GTPBP4: variants seen among roughly 807,000 people sequenced by gnomAD.
The protein encoded by GTPBP4 is GTP-binding protein 4.
A neutral mutation model predicts 81.7 loss-of-function variants in GTPBP4; 15 were observed. The ratio of observed to expected loss-of-function variants is 0.18; its 90% confidence interval spans 0.12 to 0.28. The LOEUF is 0.28. Ranked by LOEUF, GTPBP4 falls within the 10% of genes least tolerant of loss-of-function variation. GTPBP4 has a pLI of 1.00. For synonymous variants in GTPBP4, 272 were observed against 274.6 expected, an observed-to-expected ratio of 0.99 and a Z score of 0.09; for missense variants, 847 against 793.8, an observed-to-expected ratio of 1.07 and a Z score of -0.81.
intron 9 of GTPBP4, among the ~76,000 whole-genome samples, chr10:1,006,186 G>A (rs955626847): frequency 2.0e-5 from 3 of 152,114 alleles, no homozygotes; most frequent in Non-Finnish European, 4.4e-5. Context: ...TTAATATTTC[G>A]GTAGCAAGTA....
intron 14 of GTPBP4, among the ~76,000 whole-genome samples, chr10:1,014,016 G>A (rs1202474917): frequency 6.6e-6 from 1 of 152,178 alleles, no homozygotes; most frequent in African/African-American, 2.4e-5. Flanking sequence ...ATGGACAGAC[G>A]TGGAGGATAC....
chr10:1,006,172 C>G (rs1249684337), intron 9 of GTPBP4, among the ~76,000 whole-genome samples: 1 of 152,150 alleles, frequency 6.6e-6, no homozygotes, highest in Non-Finnish European at 1.5e-5. Context: ...TTGTCTCTGG[C>G]CTTTTAATAT....
At chr10:996,972 C>A in intron 4 of GTPBP4, 1 of 498,248 alleles carries the variant, frequency 2.0e-6, no homozygotes, top group Non-Finnish European at 3.5e-6. Context: ...AAAACGTGGG[C>A]TTAGAAGGGC....
chr10:995,814 A>C, intron 2 of GTPBP4, 115 bp from the exon 3 acceptor site: 2 of 633,914 alleles, frequency 3.2e-6, no homozygotes, highest in Non-Finnish European at 5.7e-6. Flanking sequence ...AGGAGAGGGA[A>C]CTGGGGAGGA....
At chr10:997,576 T>C (rs549925839) in intron 5 of GTPBP4, among the ~76,000 whole-genome samples, 9 of 152,392 alleles carry the variant, frequency 5.9e-5, no homozygotes, top group Admixed American at 5.9e-4. Flanking sequence ...TACATTTATA[T>C]TACTATTACA....
Position 1,015,393 on chromosome 10 carries a change from A to T in GTPBP4, c.1609-360A>T, listed in dbSNP as rs1362436859. On this transcript the variant is annotated intron_variant, in intron 15 of 16. Transcript: ENST00000360803. The stretch of plus-strand genomic sequence containing the variant: ...TGGGGTCCTGAGCTCTGAGCCTGGG[A>T]GTGGACCTGGGGTCCTGAGCGCTGA... Among the ~76,000 whole-genome samples the T allele has an allele frequency of 1.8e-4, 22 of 122,486 alleles. 1 individual carries two copies. The highest frequency in any genetic ancestry group is 6.6e-4 in the African/African-American group (20 of 30,262). The allele number at this position is 122,486 out of a possible 152,430, so 80.4% of individuals were successfully genotyped here.
chr10:999,189 G>T, intron 6 of GTPBP4, 94 bp downstream of exon 6: 3 of 722,470 alleles, frequency 4.2e-6, no homozygotes, highest in Non-Finnish European at 7.5e-6. Context: ...CATGATCTCA[G>T]TCCACTGCAA....
intron 1 of GTPBP4, 40 bp downstream of exon 1, chr10:988,567 T>A (rs1330286207): frequency 6.6e-7 from 1 of 1,520,848 alleles, no homozygotes; most frequent in South Asian, 1.1e-5. Context: ...TTTCGCGTTC[T>A]CCTCAGCTGG....
Position 995,961 on chromosome 10 carries a change from T to C in GTPBP4, c.252T>C (p.Asn84=). The C allele has an allele frequency of 6.2e-7, 1 of 1,611,034 alleles. No homozygotes were observed. Among genetic ancestry groups the C allele is most frequent in the East Asian group, 2.2e-5 (1 of 44,878 alleles). The change falls in exon 3 of 17, where the codon AAT becomes AAC. Residue 84 remains asparagine (N), a synonymous_variant. Coordinates refer to ENST00000360803, the MANE Select transcript of GTPBP4 (RefSeq NM_012341.3). ...ATCCGTTCTATGCTGATTTGATGAA[T>C]ATTCTCTACGACAAGGATCATTACA... The part of the protein sequence containing the change: ...DIHPFYADLM[N]ILYDKDHYKL...
At position 1,017,096 on chromosome 10, in the gene GTPBP4, A is replaced by G. The variant is rs914633884; in HGVS notation, c.1774A>G (p.Met592Val). Residue 592 changes from methionine to valine, a missense_variant, in exon 17 of 17, where the codon ATG (methionine) becomes GTG (valine). Physicochemically the swap from Met to Val is conservative, Grantham distance 21. This residue lies in a region of GTPBP4 where 600 missense variants were observed against 557.1 expected (regional missense o/e 1.08). Coordinates refer to ENST00000360803, the MANE Select transcript of GTPBP4 (RefSeq NM_012341.3). ...TTAGATGGTGAAGAAAGCCAAGACT[A>G]TGATGAAGAATGCTCAGAAGAAGAT... Reference protein sequence around the residue: ...DVKMVKKAKTMMKNAQKKMNR... With the variant: ...DVKMVKKAKTVMKNAQKKMNR... 3.1e-6 allele frequency: 5 copies of G among 1,613,740 alleles called. No homozygotes were observed. The highest frequency in any genetic ancestry group is 4.2e-6 in the Non-Finnish European group (5 of 1,179,732).
chr10:1,013,603 C>A (rs1423101134), intron 14 of GTPBP4, among the ~76,000 whole-genome samples: 1 of 151,878 alleles, frequency 6.6e-6, no homozygotes, highest in African/African-American at 2.4e-5. Flanking sequence ...GAGCAAGACT[C>A]CATCTCAAAA....
At position 1,019,305 on chromosome 10, in the gene GTPBP4, C is replaced by A; in HGVS notation, c.*2078C>A. 3.8e-6 allele frequency: 2 copies of A among 525,052 alleles called. No homozygotes were observed. Among genetic ancestry groups the A allele is most frequent in the Non-Finnish European group, 6.7e-6 (2 of 297,646 alleles). The allele number at this position is 525,052 out of a possible 1,614,324, so 32.5% of individuals were successfully genotyped here. ...ACAAAGGAAATGTTAAATTTCCTCC[C>A]TGCAACCAGGCAGATGAGAAATATG... On this transcript the variant is annotated 3_prime_UTR_variant, in exon 17 of 17. Coordinates refer to ENST00000360803, the MANE Select transcript of GTPBP4 (RefSeq NM_012341.3).
At chr10:997,687 G>A (rs1248008214) in intron 5 of GTPBP4, among the ~76,000 whole-genome samples, 1 of 152,238 alleles carries the variant, frequency 6.6e-6, no homozygotes, top group Non-Finnish European at 1.5e-5. Flanking sequence ...TTTCTTGGGT[G>A]TTGTTGGCCT....
chr10:997,063 C>G, intron 4 of GTPBP4, 145 bp from the exon 5 acceptor site: 1 of 669,794 alleles, frequency 1.5e-6, no homozygotes. Flanking sequence ...CTTTCTGCAA[C>G]TATTTTCTCC....
At chr10:1,001,222 T>G (rs1451727310) in intron 8 of GTPBP4, among the ~76,000 whole-genome samples, 2 of 152,228 alleles carry the variant, frequency 1.3e-5, no homozygotes, top group African/African-American at 4.8e-5. Context: ...TTCTGGATTC[T>G]TTGTTCTTGA....
intron 15 of GTPBP4, 141 bp downstream of exon 15, chr10:1,014,453 G>A (rs1831939558): frequency 8.7e-6 from 5 of 577,156 alleles, no homozygotes; most frequent in South Asian, 3.5e-5. Flanking sequence ...TCAGGGGTTC[G>A]AGACCAGCCT....
intron 8 of GTPBP4, among the ~76,000 whole-genome samples, chr10:1,005,436 G>A (rs12773389): frequency 1.3e-5 from 2 of 152,112 alleles, no homozygotes; most frequent in Non-Finnish European, 2.9e-5. Flanking sequence ...GAGCCACCGC[G>A]CCTGGCCCCT....
intron 5 of GTPBP4, among the ~76,000 whole-genome samples, chr10:997,764 G>A (rs895951327): frequency 1.3e-5 from 2 of 152,212 alleles, no homozygotes; most frequent in Non-Finnish European, 1.5e-5. Flanking sequence ...GGGTCTTCCC[G>A]TCTGCAGCTG....
intron 1 of GTPBP4, among the ~76,000 whole-genome samples, chr10:991,262 A>G (rs960128141): frequency 6.6e-6 from 1 of 152,250 alleles, no homozygotes; most frequent in African/African-American, 2.4e-5. Context: ...TCAGCACCCA[A>G]GTATCCCTAA....
Sources: gnomAD v4.1 joint callset for allele counts (sites outside exome capture counted in the v4.1 genomes callset) on GRCh38, gnomAD v4.1.1 for gene constraint, gnomAD v4.1.1 regional missense constraint, MANE v1.5 for transcripts, NCBI Gene and HGNC (gene_info 2026-07-23, HGNC 2026-07-21) for gene names.